Variants in SLC25A26 observed in about 807,000 individuals in gnomAD.
SLC25A26 encodes solute carrier family 25 member 26.
A neutral mutation model predicts 37.8 loss-of-function variants in SLC25A26; 36 were observed. The ratio of observed to expected loss-of-function variants is 0.95; its 90% confidence interval spans 0.73 to 1.26. SLC25A26 has a LOEUF of 1.26. Ranked by LOEUF, SLC25A26 falls within the 50% of genes most tolerant of loss-of-function variation. The pLI is 0.00. For synonymous variants in SLC25A26, 129 were observed against 122.5 expected (o/e 1.05, Z -0.35); for missense variants, 390 against 331.1 (o/e 1.18, Z -1.38).
chr3:66,355,990 CAT>C (rs2076566383), intron 6 of SLC25A26: 1 of 455,344 alleles, frequency 2.2e-6, no homozygotes, highest in Admixed American at 2.4e-5. Context: ...TATTTTACTA[CAT>C]GTATAAAAAG....
At chr3:66,138,020 G>A (rs146748007) in intron 1 of SLC25A26, among the ~76,000 whole-genome samples, 16 of 151,806 alleles carry the variant, frequency 1.1e-4, no homozygotes. Flanking sequence ...TTTTAGTAGA[G>A]ACGGGGTTTC....
At chr3:66,318,248 G>A (rs1178624444) in intron 5 of SLC25A26, among the ~76,000 whole-genome samples, 1 of 152,138 alleles carries the variant, frequency 6.6e-6, no homozygotes, top group Non-Finnish European at 1.5e-5. Context: ...CCACCCTCCT[G>A]AGCAGCTGCC....
intron 2 of SLC25A26, among the ~76,000 whole-genome samples, chr3:66,238,992 C>T (rs903158251): frequency 1.3e-5 from 2 of 152,126 alleles, no homozygotes; most frequent in Non-Finnish European, 1.5e-5. Context: ...AATCCTTTCA[C>T]CATTTGCTTT....
At chr3:66,304,273 G>C (rs2075154944) in intron 5 of SLC25A26, among the ~76,000 whole-genome samples, 1 of 152,296 alleles carries the variant, frequency 6.6e-6, no homozygotes. Flanking sequence ...GGATTATACA[G>C]GGCGGGTACA....
intron 5 of SLC25A26, among the ~76,000 whole-genome samples, chr3:66,292,232 A>C (rs913836554): frequency 6.6e-6 from 1 of 152,074 alleles, no homozygotes; most frequent in Admixed American, 6.6e-5. Flanking sequence ...CAGCACACTG[A>C]TGGGTCTTCA....
intron 6 of SLC25A26, among the ~76,000 whole-genome samples, chr3:66,360,485 C>T (rs932938383): frequency 2.0e-5 from 3 of 151,740 alleles, no homozygotes; most frequent in Admixed American, 6.6e-5. Context: ...TCATCTATGT[C>T]GAAAATTTGA....
At chr3:66,212,918 A>C (rs1346803281) in intron 1 of SLC25A26, among the ~76,000 whole-genome samples, 1 of 152,214 alleles carries the variant, frequency 6.6e-6, no homozygotes, top group African/African-American at 2.4e-5. Context: ...CGGTTGTAGA[A>C]AAAGTATCTG....
intron 6 of SLC25A26, among the ~76,000 whole-genome samples, chr3:66,350,300 C>G (rs1471031475): frequency 6.6e-6 from 1 of 152,202 alleles, no homozygotes; most frequent in Non-Finnish European, 1.5e-5. Flanking sequence ...CATCATCTTT[C>G]TTGTAAAATC....
At chr3:66,244,529 T>C (rs1471274039) in intron 3 of SLC25A26, among the ~76,000 whole-genome samples, 2 of 152,190 alleles carry the variant, frequency 1.3e-5, no homozygotes, top group East Asian at 1.9e-4. Context: ...TCAAGCATAA[T>C]TGGAACTTAA....
chr3:66,135,944 A>G (rs1189466444), intron 1 of SLC25A26, among the ~76,000 whole-genome samples: 1 of 152,250 alleles, frequency 6.6e-6, no homozygotes, highest in Admixed American at 6.5e-5. Flanking sequence ...AGGGATATAC[A>G]TCTTGGTCTT....
At chr3:66,159,546 C>A (rs1456531899) in intron 1 of SLC25A26, among the ~76,000 whole-genome samples, 3 of 152,158 alleles carry the variant, frequency 2.0e-5, no homozygotes, top group African/African-American at 4.8e-5. Flanking sequence ...GCATGTCCTG[C>A]CACATTCTTG....
At chr3:66,196,951 C>T (rs1020450980) in intron 1 of SLC25A26, among the ~76,000 whole-genome samples, 2 of 152,074 alleles carry the variant, frequency 1.3e-5, no homozygotes, top group East Asian at 1.9e-4. Context: ...TCATCCAAGG[C>T]ATATTTTGTT....
At position 66,370,519 on chromosome 3, in the gene SLC25A26, G is replaced by T. The variant is rs1433772362; in HGVS notation, c.634-10G>T. 1.9e-6 allele frequency: 3 copies of T among 1,612,782 alleles called. No homozygotes were observed. The African/African-American group carries it at 4.0e-5, about 22-fold the overall frequency. The stretch of plus-strand genomic sequence containing the variant: ...GAAGATAACGGGTTTCTCTTTGTCT[G>T]TTCACACAGGCTGGCTCCAGCACTG... On this transcript the variant is annotated splice_polypyrimidine_tract_variant and intron_variant, in intron 8 of 9. Coordinates refer to ENST00000354883, the MANE Select transcript of SLC25A26 (RefSeq NM_001379210.1).
intron 1 of SLC25A26, among the ~76,000 whole-genome samples, chr3:66,141,714 A>G (rs1326385769): frequency 6.6e-6 from 1 of 152,128 alleles, no homozygotes. Flanking sequence ...GGGTTTCACC[A>G]TGTTGGCCAG....
intron 2 of SLC25A26, among the ~76,000 whole-genome samples, chr3:66,237,018 G>T (rs543804107): frequency 6.6e-6 from 1 of 152,014 alleles, no homozygotes; most frequent in African/African-American, 2.4e-5. Flanking sequence ...TGTACTTTTT[G>T]TAGAGAATGG....
rs1559740187 is a variant in SLC25A26 at position 66,362,932 on chromosome 3, G to A, written c.568+3G>A. 1 of 1,595,266 alleles carries A rather than the reference G, an allele frequency of 6.3e-7. No individual in the cohort carries two copies. Among genetic ancestry groups the A allele is most frequent in the Middle Eastern group, 1.7e-4 (1 of 6,012 alleles). On this transcript the variant is annotated splice_donor_region_variant and intron_variant, in intron 7 of 9. Coordinates refer to ENST00000354883, the MANE Select transcript of SLC25A26 (RefSeq NM_001379210.1). ...AGCAGTCTGTGGAGCTTTTGCAGGT[G>A]CAAAGGATTATATTATACTGGGAAA...
At chr3:66,368,873 C>T (rs1386776594) in intron 7 of SLC25A26, among the ~76,000 whole-genome samples, 1 of 151,810 alleles carries the variant, frequency 6.6e-6, no homozygotes, top group African/African-American at 2.4e-5. Flanking sequence ...TAAAAATTAG[C>T]CAAGCATGGT....
intron 1 of SLC25A26, among the ~76,000 whole-genome samples, chr3:66,136,194 A>C (rs552332195): frequency 5.9e-5 from 9 of 152,340 alleles, no homozygotes; most frequent in Admixed American, 4.6e-4. Context: ...CAGTGTTCCC[A>C]TCTATATATG....
At chr3:66,225,022 A>T (rs556472637) in intron 1 of SLC25A26, among the ~76,000 whole-genome samples, 1 of 152,104 alleles carries the variant, frequency 6.6e-6, no homozygotes, top group Non-Finnish European at 1.5e-5. Flanking sequence ...GGCTGTTTTC[A>T]TGGGCTGGCA....
Sources: allele counts gnomAD v4.1 joint callset (sites outside exome capture counted in the v4.1 genomes callset), GRCh38; gene constraint gnomAD v4.1.1; transcripts MANE v1.5; gene names NCBI Gene and HGNC (gene_info 2026-07-23, HGNC 2026-07-21).